Variants in SRRM2 observed in about 807,000 individuals in gnomAD.
SRRM2 encodes serine/arginine repetitive matrix protein 2.
SRRM2 carries 30 observed loss-of-function variants against 213.8 expected under a neutral mutation model. The ratio of observed to expected loss-of-function variants is 0.14; its 90% CI spans 0.10 to 0.19. SRRM2 has a LOEUF of 0.19. Ranked by LOEUF, SRRM2 falls within the 10% of genes least tolerant of loss-of-function variation. The probability of loss-of-function intolerance (pLI) is 1.00; values close to 1 mark genes in which losing one functional copy is unlikely to be tolerated. For missense variants in SRRM2, 4,904 were observed against 3,647.0 expected (o/e 1.34, Z -8.88); for synonymous variants, 2,025 against 1,377.7 (o/e 1.47, Z -10.40).
Position 2,763,796 on chromosome 16 carries a change from T to C in SRRM2, c.3268T>C (p.Ser1090Pro), listed in dbSNP as rs146146208. 60 of 1,614,074 alleles carry C rather than the reference T, an allele frequency of 3.7e-5. No homozygotes were observed. In the African/African-American group the frequency reaches 7.2e-4, roughly 19 times the overall value. The change falls in exon 11 of 15, where the codon TCT becomes CCT. Residue 1090 changes from serine to proline, a missense_variant. Transcript: ENST00000301740. ...AGAATCACCATCTCTGCAGAGCAAA[T>C]CTCAAACATCACCTAAGGGAGGTCG... ...HSESPSLQSKSQTSPKGGRSR... is the reference protein window; with the variant it reads ...HSESPSLQSKPQTSPKGGRSR...
At chr16:2,757,370 G>T in intron 2 of SRRM2, 102 bp from the exon 3 acceptor site, 2 of 923,792 alleles carry the variant, frequency 2.2e-6, no homozygotes, top group East Asian at 2.5e-5. Flanking sequence ...TTCTGTGTGC[G>T]CATGGAGAGG....
At chr16:2,769,898 G>T (rs985162087) in intron 12 of SRRM2, 14 of 454,100 alleles carry the variant, frequency 3.1e-5, no homozygotes, top group Non-Finnish European at 6.2e-5. Flanking sequence ...GAGAGCCCAT[G>T]CCTTTGGACA....
chr16:2,758,399 T>C (rs2068222942), intron 4 of SRRM2, 71 bp from the exon 5 acceptor site: 1 of 1,314,992 alleles, frequency 7.6e-7, no homozygotes, highest in South Asian at 1.2e-5. Flanking sequence ...TTTTTTAGAC[T>C]CTGTCTTTTA....
intron 12 of SRRM2, 83 bp from the exon 13 acceptor site, chr16:2,770,269 T>G: frequency 6.8e-7 from 1 of 1,477,168 alleles, no homozygotes. Context: ...GGTTTGGTGG[T>G]CAGGACCTGG....
rs962118707 is a variant in SRRM2 at position 2,766,027 on chromosome 16, C to T, written c.5499C>T (p.Thr1833=). 2 of 1,614,040 alleles carry T rather than the reference C, an allele frequency of 1.2e-6. No homozygotes were observed. The highest frequency in any genetic ancestry group is 2.2e-5 in the East Asian group (1 of 44,868). ...CTGCCCGGCAGGAAAGTTCCCGGAC[C>T]TCCTCTCGACGCCGAAGAGGCCGCT... The part of the protein sequence containing the change: ...RSPARQESSR[T]SSRRRRGRSR... The change falls in exon 11 of 15, where the codon ACC becomes ACT. Residue 1833 remains threonine (T), a synonymous_variant. Transcript: ENST00000301740. This position sits in a 1 kb window ranked among gnomAD's most constrained non-coding sequence, Gnocchi z 7.0.
rs2068501465 is a variant in SRRM2, at chr16:2,765,332, C to G, written c.4804C>G (p.Pro1602Ala). 6.2e-7 allele frequency: 1 copy of G among 1,614,088 alleles called. No homozygotes were observed. Among genetic ancestry groups the G allele is most frequent in the Non-Finnish European group, 8.5e-7 (1 of 1,180,014 alleles). The change falls in exon 11 of 15, where the codon CCT (proline) becomes GCT (alanine). Residue 1602 changes from proline to alanine, a missense_variant. Transcript: ENST00000301740. ...TCGGCGCAGTAGGTCTGGTTCCTCC[C>G]CTGAAGTGAAAGATAAGCCAAGAGC... ...SPRRSRSGSS[P>A]EVKDKPRAAP...
chr16:2,764,851 T>A lies in SRRM2; in HGVS notation c.4323T>A (p.Ser1441=). 1 of 1,614,218 alleles carries A rather than the reference T, an allele frequency of 6.2e-7. No individual in the cohort carries two copies. The highest frequency in any genetic ancestry group is 2.2e-5 in the East Asian group (1 of 44,888). Residue 1441 remains serine (S), a synonymous_variant, in exon 11 of 15, where the codon TCT becomes TCA. Coordinates refer to ENST00000301740, the MANE Select transcript of SRRM2 (RefSeq NM_016333.4). ...GAACTCCATCAAGGAGAAGCAGGTC[T>A]GGGTCTTCTCCAGGACTTAGAGATG... ...LPRTPSRRSR[S]GSSPGLRDGS... is the part of the protein sequence containing the mutation.
chr16:2,756,932 G>C (rs2068162348), intron 2 of SRRM2, among the ~76,000 whole-genome samples: 1 of 152,152 alleles, frequency 6.6e-6, no homozygotes, highest in African/African-American at 2.4e-5. Flanking sequence ...TAGGTAAGCT[G>C]ATAGGTGTTG....
chr16:2,758,114 C>G (rs568974972), intron 4 of SRRM2, among the ~76,000 whole-genome samples, 169 bp downstream of exon 4: 1 of 152,172 alleles, frequency 6.6e-6, no homozygotes, highest in African/African-American at 2.4e-5. Context: ...GTGGGTCACG[C>G]GCGTAATCCC....
In SRRM2 at chr16:2,766,844, C is replaced by A. The variant is rs1348376134; in HGVS notation, c.6316C>A (p.Pro2106Thr). The A allele has an allele frequency of 1.2e-6, 2 of 1,614,096 alleles. No homozygotes were observed. The highest frequency in any genetic ancestry group is 2.7e-5 in the African/African-American group (2 of 74,936). The change falls in exon 11 of 15, where the codon CCA becomes ACA. Residue 2106 changes from proline to threonine, a missense_variant. Pro to Thr is a conservative substitution (Grantham distance 38, BLOSUM62 -1). Transcript: ENST00000301740. The surrounding 1 kb of genome is among the most constrained non-coding windows in gnomAD (Gnocchi z 7.0). ...TRNHSGSRTP[P>T]VALNSSRMSC... Reference sequence around the variant, plus strand: ...AAATCATTCTGGTTCACGGACACCTCCAGTAGCACTCAACAGTTCCAGAAT... The same window carrying A: ...AAATCATTCTGGTTCACGGACACCTACAGTAGCACTCAACAGTTCCAGAAT...
At position 2,765,174 on chromosome 16, in the gene SRRM2, C is replaced by A. The variant is rs1334176514; in HGVS notation, c.4646C>A (p.Pro1549His). 25 of 1,614,152 alleles carry A rather than the reference C, an allele frequency of 1.5e-5. No homozygotes were observed. The highest frequency in any genetic ancestry group is 2.1e-5 in the Non-Finnish European group (25 of 1,180,022). The change falls in exon 11 of 15, where the codon CCC becomes CAC. Residue 1549 changes from proline to histidine, a missense_variant. By Grantham distance (77) the Pro-to-His change is moderately conservative. Coordinates refer to ENST00000301740, the MANE Select transcript of SRRM2 (RefSeq NM_016333.4). ...TCCTCTCAAGAACTTGATGTGAAAC[C>A]CAGTGCATCCCCTCAGGAAAGAAGT... ...SGSSQELDVKPSASPQERSES... is the reference protein window; with the variant it reads ...SGSSQELDVKHSASPQERSES...
Position 2,762,379 on chromosome 16 carries a change from T to C in SRRM2, c.1851T>C (p.Ser617=). 1 of 1,614,090 alleles carries C rather than the reference T, an allele frequency of 6.2e-7. No homozygotes were observed. The highest frequency in any genetic ancestry group is 8.5e-7 in the Non-Finnish European group (1 of 1,180,012). ...CAGCCCGGAGGGGCAGGTCTCGGTC[T>C]AGAACACCTGCTAGGCGCAGATCTA... ...RTPARRGRSR[S]RTPARRRSRT... Residue 617 remains serine (S), a synonymous_variant, in exon 11 of 15, where the codon TCT becomes TCC. Coordinates refer to ENST00000301740, the MANE Select transcript of SRRM2 (RefSeq NM_016333.4).
chr16:2,757,561 C>T lies in SRRM2; in HGVS notation c.332C>T (p.Thr111Ile), dbSNP rs754371740. 5 of 1,613,826 alleles carry T rather than the reference C, an allele frequency of 3.1e-6. No individual in the cohort carries two copies. The East Asian group carries it at 1.1e-4, about 36-fold the overall frequency. ...GTGAACCCTGGGGGCAAGGAGGAGA[C>T]CCCAGGGCAGAGGCCAGCGTGAGTG... ...KDVNPGGKEE[T>I]PGQRPAVTET... The change falls in exon 3 of 15, where the codon ACC becomes ATC. Residue 111 changes from threonine to isoleucine, a missense_variant. Transcript: ENST00000301740.
At chr16:2,769,599 C>G (rs1725261834) in intron 12 of SRRM2, 5 of 626,136 alleles carry the variant, frequency 8.0e-6, no homozygotes, top group Non-Finnish European at 1.5e-5. Context: ...GGTCTGGCCA[C>G]CATCATCTTC....
intron 13 of SRRM2, 49 bp downstream of exon 13, chr16:2,770,514 C>T (rs1186283757): frequency 2.5e-6 from 4 of 1,569,800 alleles, no homozygotes; most frequent in African/African-American, 1.4e-5. Context: ...GCCGCCACTG[C>T]TTTCTACAAA....
At chr16:2,768,339 A>G (rs1415288249) in intron 11 of SRRM2, 78 bp downstream of exon 11, 14 of 1,463,164 alleles carry the variant, frequency 9.6e-6, no homozygotes, top group Admixed American at 9.2e-5. Context: ...GGGAGAAACC[A>G]TGTCACAGGT....
chr16:2,762,184 C>T lies in SRRM2; in HGVS notation c.1656C>T (p.Gly552=). 1 of 1,614,112 alleles carries T rather than the reference C, an allele frequency of 6.2e-7. No homozygotes were observed. Among genetic ancestry groups the T allele is most frequent in the Non-Finnish European group, 8.5e-7 (1 of 1,180,006 alleles). ...GGAGCAGAAATACCCAGAGAAGAGG[C>T]AGGTCTAGGTCAGCAAGGCGAGGGA... The part of the protein sequence containing the change: ...WSRSRNTQRR[G]RSRSARRGRS... The change falls in exon 11 of 15, where the codon GGC becomes GGT. Residue 552 remains glycine (G), a synonymous_variant. Transcript: ENST00000301740.
At chr16:2,758,083 T>A in intron 4 of SRRM2, 138 bp downstream of exon 4, 4 of 1,081,870 alleles carry the variant, frequency 3.7e-6, no homozygotes, top group Non-Finnish European at 5.3e-6. Context: ...TCCAAAAAAA[T>A]GTGTCCAAGG....
Position 2,767,320 on chromosome 16 carries a change from A to C in SRRM2, c.6792A>C (p.Ala2264=), listed in dbSNP as rs1020540178. ...VNLADSRTPA[A]AAAMNLASPR... ...TGGCTGACTCTCGAACGCCAGCTGC[A>C]GCAGCGGCCATGAACTTGGCCAGCC... Residue 2264 remains alanine (A), a synonymous_variant, in exon 11 of 15, where the codon GCA becomes GCC. Transcript: ENST00000301740. 8 of 1,613,856 alleles carry C rather than the reference A, an allele frequency of 5.0e-6. No homozygotes were observed. Among genetic ancestry groups the C allele is most frequent in the Non-Finnish European group, 6.8e-6 (8 of 1,180,016 alleles).
Sources: gnomAD v4.1 joint callset for allele counts (sites outside exome capture counted in the v4.1 genomes callset) on GRCh38, gnomAD v4.1.1 for gene constraint, Gnocchi (gnomAD v3.1) non-coding constraint, MANE v1.5 for transcripts, NCBI Gene and HGNC (gene_info 2026-07-23, HGNC 2026-07-21) for gene names.